MACIR: variants seen among roughly 807,000 people sequenced by gnomAD.
MACIR encodes UNC119-binding protein C5orf30.
Under a neutral mutation model 14.3 loss-of-function variants are expected in MACIR, and 4 were observed. That is an observed-to-expected ratio of 0.28 (90% CI 0.14 to 0.64). MACIR has a LOEUF of 0.64. Ranked by LOEUF, MACIR falls within the 30% of genes least tolerant of loss-of-function variation. MACIR has a pLI of 0.83. For missense variants in MACIR, 228 were observed against 257.6 expected (o/e 0.89, Z 0.79); for synonymous variants, 101 against 102.4 (o/e 0.99, Z 0.08).
rs997759028 is a variant in MACIR at position 103,258,768 on chromosome 5, A to C, written c.-242A>C. On this transcript the variant is annotated 5_prime_UTR_variant, in exon 1 of 3. Coordinates refer to ENST00000319933, the MANE Select transcript of MACIR (RefSeq NM_033211.4). Reference sequence around the variant, plus strand: ...GGCGCCGAGCGCGGTGGGAGAGGAGAGGGTACCCGGCTGGCTCGGCTGGCG... The same window carrying C: ...GGCGCCGAGCGCGGTGGGAGAGGAGCGGGTACCCGGCTGGCTCGGCTGGCG... 6.6e-6 allele frequency: 1 copy of C among 152,412 alleles called. No individual in the cohort carries two copies. The highest frequency in any genetic ancestry group is 2.4e-5 in the African/African-American group (1 of 41,264). The allele number at this position is 152,412 out of a possible 1,614,324, so 9.4% of individuals were successfully genotyped here.
intron 1 of MACIR, chr5:103,259,762 C>T (rs1299994253): frequency 6.6e-6 from 1 of 152,250 alleles, no homozygotes; most frequent in Non-Finnish European, 1.5e-5. Context: ...CCACCCTCGC[C>T]CCACCTGTCG....
chr5:103,267,168 G>C (rs1391236732), intron 2 of MACIR, among the ~76,000 whole-genome samples: 1 of 152,068 alleles, frequency 6.6e-6, no homozygotes, highest in Non-Finnish European at 1.5e-5. Flanking sequence ...TTGGGGGATT[G>C]GTTCCAGGAC....
chr5:103,275,518 A>G (rs940182878), intron 2 of MACIR, among the ~76,000 whole-genome samples: 8 of 152,204 alleles, frequency 5.3e-5, no homozygotes, highest in African/African-American at 1.9e-4. Context: ...ACTATGTATG[A>G]TGGCTTTCAT....
intron 1 of MACIR, among the ~76,000 whole-genome samples, chr5:103,261,697 TC>T (rs1804725840): frequency 1.8e-5 from 2 of 109,902 alleles, no homozygotes; most frequent in Admixed American, 9.0e-5. Context: ...TTTCTTTCTT[TC>T]TTTCTTCCTT....
At position 103,276,241 on chromosome 5, in the gene MACIR, A is replaced by G. The variant is rs1805325708; in HGVS notation, c.322A>G (p.Lys108Glu). Residue 108 changes from lysine to glutamate, a missense_variant, in exon 3 of 3, where the codon AAA (lysine) becomes GAA (glutamate). By Grantham distance (56) the Lys-to-Glu change is moderately conservative. Coordinates refer to ENST00000319933, the MANE Select transcript of MACIR (RefSeq NM_033211.4). ...ACTTGCCCGTTCCTCTCGTTTGTATAAAACCAGAAGTAGGTACTACCAGCC... is the reference window on the plus strand; with the variant it reads ...ACTTGCCCGTTCCTCTCGTTTGTATGAAACCAGAAGTAGGTACTACCAGCC... Reference protein sequence around the residue: ...AGLARSSRLYKTRSRYYQPYE... With the variant: ...AGLARSSRLYETRSRYYQPYE... The G allele has an allele frequency of 1.9e-6, 3 of 1,613,104 alleles. No individual in the cohort carries two copies. The highest frequency in any genetic ancestry group is 2.5e-6 in the Non-Finnish European group (3 of 1,179,808).
chr5:103,261,601 C>T (rs1804684254), intron 1 of MACIR, among the ~76,000 whole-genome samples: 1 of 151,642 alleles, frequency 6.6e-6, no homozygotes, highest in South Asian at 2.1e-4. Context: ...GTGGTCTCTT[C>T]TTAAATAGCC....
At chr5:103,266,208 A>G (rs989681830) in intron 2 of MACIR, among the ~76,000 whole-genome samples, 1 of 152,166 alleles carries the variant, frequency 6.6e-6, no homozygotes, top group Non-Finnish European at 1.5e-5. Context: ...ATATGCAAAC[A>G]TTATTTTATT....
At chr5:103,259,940 C>T (rs2149917716) in intron 1 of MACIR, 1 of 152,496 alleles carries the variant, frequency 6.6e-6, no homozygotes, top group East Asian at 1.9e-4. Flanking sequence ...GAATGATGGC[C>T]CCGTCCTTTT....
chr5:103,260,050 CGTGTGT>C (rs70990427), intron 1 of MACIR, among the ~76,000 whole-genome samples: 49 of 138,808 alleles, frequency 3.5e-4, no homozygotes, highest in South Asian at 2.2e-4. Context: ...CCAAGATTTC[CGTGTGT>C]GTGTGTGTGT....
Position 103,277,388 on chromosome 5 carries a change from T to C in MACIR, c.*848T>C, listed in dbSNP as rs188259061. The C allele has an allele frequency of 1.8e-5, 3 of 167,202 alleles. No homozygotes were observed. The East Asian group carries it at 5.8e-4, about 32-fold the overall frequency. 10.4% of individuals were successfully genotyped at this position (167,202 alleles called of 1,614,324 possible). A position where few individuals can be genotyped will look rare whatever the true frequency, so the allele number is the denominator to read the frequency against. Reference sequence around the variant, plus strand: ...TTTAAATGGGAAAGGATTCTTTTAATTGTGGATTATAGGCATAATACTGTT... The same window carrying C: ...TTTAAATGGGAAAGGATTCTTTTAACTGTGGATTATAGGCATAATACTGTT... On this transcript the variant is annotated 3_prime_UTR_variant, in exon 3 of 3. Coordinates refer to ENST00000319933, the MANE Select transcript of MACIR (RefSeq NM_033211.4).
At chr5:103,260,776 A>T (rs1804654443) in intron 1 of MACIR, among the ~76,000 whole-genome samples, 1 of 152,130 alleles carries the variant, frequency 6.6e-6, no homozygotes, top group Non-Finnish European at 1.5e-5. Flanking sequence ...AGGGTTTAAA[A>T]TTTCTTTGCT....
Position 103,276,737 on chromosome 5 carries a change from A to G in MACIR, c.*197A>G, listed in dbSNP as rs1554237802. On this transcript the variant is annotated 3_prime_UTR_variant, in exon 3 of 3. Coordinates refer to ENST00000319933, the MANE Select transcript of MACIR (RefSeq NM_033211.4). ...GTACTTGGGGGGGGGATATCATTCTAGAGCACGCAACTGCAAAGAAAACAG... is the reference window on the plus strand; with the variant it reads ...GTACTTGGGGGGGGGATATCATTCTGGAGCACGCAACTGCAAAGAAAACAG... 4.2e-6 allele frequency: 2 copies of G among 481,832 alleles called. No individual in the cohort carries two copies. Among genetic ancestry groups the G allele is most frequent in the Non-Finnish European group, 7.4e-6 (2 of 269,152 alleles). 29.8% of individuals were successfully genotyped at this position (481,832 alleles called of 1,614,324 possible).
chr5:103,268,845 C>A (rs1280327330), intron 2 of MACIR, among the ~76,000 whole-genome samples: 1 of 152,028 alleles, frequency 6.6e-6, no homozygotes, highest in African/African-American at 2.4e-5. Flanking sequence ...AGGACCCTGT[C>A]TTGGTGGTTT....
intron 1 of MACIR, among the ~76,000 whole-genome samples, chr5:103,264,100 G>C (rs549540629): frequency 6.6e-6 from 1 of 152,244 alleles, no homozygotes; most frequent in African/African-American, 2.4e-5. Flanking sequence ...TTCACTTATA[G>C]AAATTACTTG....
chr5:103,273,536 G>T (rs1805209977), intron 2 of MACIR, among the ~76,000 whole-genome samples: 1 of 151,972 alleles, frequency 6.6e-6, no homozygotes, highest in Non-Finnish European at 1.5e-5. Flanking sequence ...CTAAACCGTT[G>T]TCTCCTTCTA....
chr5:103,275,720 G>A (rs1346992606), intron 2 of MACIR, among the ~76,000 whole-genome samples, 177 bp from the exon 3 acceptor site: 1 of 152,138 alleles, frequency 6.6e-6, no homozygotes, highest in African/African-American at 2.4e-5. Flanking sequence ...AGGCAGAGAG[G>A]TATTGTCATT....
At chr5:103,272,086 A>G (rs782146029) in intron 2 of MACIR, among the ~76,000 whole-genome samples, 1 of 152,182 alleles carries the variant, frequency 6.6e-6, no homozygotes, top group Non-Finnish European at 1.5e-5. Flanking sequence ...TTATCTTGGC[A>G]GCAAGCTTTT....
rs553747314 is a variant in MACIR, at chr5:103,276,525, T to C, written c.606T>C (p.Ala202=). 232 of 1,609,858 alleles carry C rather than the reference T, an allele frequency of 1.4e-4. No homozygotes were observed. The South Asian group carries it at 2.2e-3, about 15-fold the overall frequency. Residue 202 remains alanine, a synonymous_variant, in exon 3 of 3, where the codon GCT becomes GCC. Coordinates refer to ENST00000319933, the MANE Select transcript of MACIR (RefSeq NM_033211.4). ...CCCTCCGAGGGGACCGTGTGTTTGC[T>C]AGGAATAATACATGAATGACTTGGA... ...HLTLRGDRVF[A]RNNT
intron 1 of MACIR, among the ~76,000 whole-genome samples, chr5:103,261,701 T>TTC (rs1804727523): frequency 8.6e-6 from 1 of 116,106 alleles, no homozygotes; most frequent in African/African-American, 3.6e-5. Flanking sequence ...TTTCTTTCTT[T>TTC]CTTCCTTTCT....
Sources: allele counts gnomAD v4.1 joint callset (sites outside exome capture counted in the v4.1 genomes callset), GRCh38; gene constraint gnomAD v4.1.1; transcripts MANE v1.5; gene names NCBI Gene and HGNC (gene_info 2026-07-23, HGNC 2026-07-21).